SCHIP1: variants seen among roughly 807,000 people sequenced by gnomAD.
SCHIP1 encodes schwannomin interacting protein 1, also known as schwannomin-interacting protein 1.
In SCHIP1, 8 loss-of-function variants were observed where a neutral mutation model predicts 29.7. That is an observed-to-expected ratio of 0.27 (90% CI 0.16 to 0.49). The LOEUF is 0.49. SCHIP1 is among the 20% of genes least tolerant of loss of function. The probability of loss-of-function intolerance (pLI) is 0.99; values close to 1 mark genes in which losing one functional copy is unlikely to be tolerated. For missense variants in SCHIP1, 193 were observed against 294.6 expected (o/e 0.66, Z 2.52); for synonymous variants, 76 against 94.9 (o/e 0.80, Z 1.16).
At chr3:159,358,122 G>A in the SCHIP1 span, among the ~76,000 whole-genome samples, 156 of 152,336 alleles carry the variant, frequency 1.0e-3, 2 homozygotes, top group South Asian at 0.024. Flanking sequence ...AAAACCAGGA[G>A]CCAGCAATGG....
At chr3:159,645,566 C>T in the SCHIP1 span, among the ~76,000 whole-genome samples, 1 of 152,126 alleles carries the variant, frequency 6.6e-6, no homozygotes, top group Non-Finnish European at 1.5e-5. Flanking sequence ...TCTACCTCTA[C>T]CAGGCACCCT....
chr3:159,764,793 C>T, the SCHIP1 span: 1 of 1,565,862 alleles, frequency 6.4e-7, no homozygotes, highest in East Asian at 2.4e-5. This position sits in a 1 kb window ranked among gnomAD's most constrained non-coding sequence, Gnocchi z 6.1. Flanking sequence ...GGGGCAGGAG[C>T]GCCACCACCG....
the SCHIP1 span, among the ~76,000 whole-genome samples, chr3:159,608,505 G>A: frequency 5.9e-5 from 9 of 152,156 alleles, no homozygotes; most frequent in African/African-American, 2.2e-4. Context: ...CCAGTAATGT[G>A]TCAGACTGTG....
chr3:159,608,369 G>A, the SCHIP1 span, among the ~76,000 whole-genome samples: 1 of 152,134 alleles, frequency 6.6e-6, no homozygotes. Flanking sequence ...AAATTGTCAT[G>A]AGTAAAAAGA....
the SCHIP1 span, among the ~76,000 whole-genome samples, chr3:159,640,378 G>A: frequency 6.6e-6 from 1 of 152,124 alleles, no homozygotes; most frequent in Non-Finnish European, 1.5e-5. Context: ...CACAATGCAG[G>A]TCTGAGTGTG....
chr3:159,721,830 A>G, the SCHIP1 span: 18 of 391,362 alleles, frequency 4.6e-5, no homozygotes, highest in East Asian at 1.2e-3. Context: ...ATTATTTTTT[A>G]TTTTAGCATT....
chr3:159,568,086 T>C, the SCHIP1 span, among the ~76,000 whole-genome samples: 2 of 152,060 alleles, frequency 1.3e-5, no homozygotes. Context: ...TCTTTTTATA[T>C]TTTTATAGAT....
the SCHIP1 span, among the ~76,000 whole-genome samples, chr3:159,786,693 G>GTGTATGTGTGTA: frequency 6.8e-6 from 1 of 146,914 alleles, no homozygotes; most frequent in Non-Finnish European, 1.5e-5. Flanking sequence ...GTGTGTGTGT[G>GTGTATGTGTGTA]TGTCTGCGCG....
At chr3:159,485,563 G>T in the SCHIP1 span, among the ~76,000 whole-genome samples, 1 of 152,166 alleles carries the variant, frequency 6.6e-6, no homozygotes, top group East Asian at 1.9e-4. Context: ...ATGTGTGTTT[G>T]TGAGGAGAAA....
chr3:159,369,786 G>A, the SCHIP1 span, among the ~76,000 whole-genome samples: 1 of 152,278 alleles, frequency 6.6e-6, no homozygotes, highest in African/African-American at 2.4e-5. Flanking sequence ...TTCAACATAT[G>A]TAGAATGTTG....
the SCHIP1 span, among the ~76,000 whole-genome samples, chr3:159,304,658 G>A: frequency 1.2e-4 from 19 of 152,170 alleles, no homozygotes; most frequent in Admixed American, 8.5e-4. Flanking sequence ...GTGTTTCCTC[G>A]GAGAAGCATT....
chr3:159,697,073 A>T, the SCHIP1 span, among the ~76,000 whole-genome samples: 2 of 152,164 alleles, frequency 1.3e-5, no homozygotes, highest in Non-Finnish European at 2.9e-5. Flanking sequence ...TAGAGTGGTC[A>T]CTGTGGCTGC....
At chr3:159,273,621 C>T in the SCHIP1 span, 1 of 1,303,480 alleles carries the variant, frequency 7.7e-7, no homozygotes. Context: ...AAGATTTCTG[C>T]TCCAAAATCT....
chr3:159,321,319 G>A, the SCHIP1 span, among the ~76,000 whole-genome samples: 46 of 152,208 alleles, frequency 3.0e-4, no homozygotes, highest in African/African-American at 1.0e-3. Context: ...TATTCATTGC[G>A]TCCTCAACGA....
chr3:159,704,983 G>A, the SCHIP1 span, among the ~76,000 whole-genome samples: 1 of 138,558 alleles, frequency 7.2e-6, no homozygotes, highest in East Asian at 2.2e-4. Flanking sequence ...TGTTTTTTTA[G>A]AGGGAGTCTC....
At chr3:159,656,851 G>A in the SCHIP1 span, among the ~76,000 whole-genome samples, 1 of 152,122 alleles carries the variant, frequency 6.6e-6, no homozygotes, top group Admixed American at 6.5e-5. Context: ...CACTGCTTCA[G>A]AGTGACAAGG....
the SCHIP1 span, among the ~76,000 whole-genome samples, chr3:159,337,702 G>T: frequency 2.3e-4 from 35 of 151,956 alleles, no homozygotes. Flanking sequence ...ACCACCAGTG[G>T]CAACTTTCCA....
chr3:159,648,700 G>C, the SCHIP1 span, among the ~76,000 whole-genome samples: 2 of 151,926 alleles, frequency 1.3e-5, no homozygotes, highest in South Asian at 2.1e-4. Context: ...CTTTACCCAG[G>C]CTTCCCTGTT....
At chr3:159,338,762 A>T in the SCHIP1 span, among the ~76,000 whole-genome samples, 1,073 of 152,288 alleles carry the variant, frequency 7.0e-3, 17 homozygotes, top group African/African-American at 0.025. Context: ...CATTCTGATA[A>T]TATATTGGAT....
Sources: allele counts gnomAD v4.1 joint callset (sites outside exome capture counted in the v4.1 genomes callset), GRCh38; gene constraint gnomAD v4.1.1; non-coding constraint Gnocchi (gnomAD v3.1); transcripts MANE v1.5; gene names NCBI Gene and HGNC (gene_info 2026-07-23, HGNC 2026-07-21).